The following ZNF385D variants were observed in gnomAD, a reference collection of about 807,000 sequenced individuals.
ZNF385D encodes the protein zinc finger protein 385D.
In ZNF385D, 15 loss-of-function variants were observed where a neutral mutation model predicts 35.8. The observed-to-expected ratio is 0.42, with a 90% CI of 0.28 to 0.64. The LOEUF is 0.64. Among genes scored for constraint, ZNF385D ranks in the 30% least tolerant of loss-of-function variants. ZNF385D has a pLI of 0.23. For missense variants in ZNF385D, 474 were observed against 494.6 expected (o/e 0.96, Z 0.39); for synonymous variants, 212 against 186.8 (o/e 1.13, Z -1.10).
At chr3:21,858,024 T>C (rs1696828771) in intron 3 of ZNF385D, among the ~76,000 whole-genome samples, 1 of 151,860 alleles carries the variant, frequency 6.6e-6, no homozygotes, top group Non-Finnish European at 1.5e-5. Flanking sequence ...TAGTTGGTCA[T>C]GGTGGCACAA....
chr3:21,806,509 G>C (rs2072656202), intron 3 of ZNF385D, among the ~76,000 whole-genome samples: 2 of 151,986 alleles, frequency 1.3e-5, no homozygotes, highest in Admixed American at 6.5e-5. Flanking sequence ...CTGGCCAATA[G>C]AGCTCGTTTT....
intron 2 of ZNF385D, among the ~76,000 whole-genome samples, chr3:21,612,899 C>T (rs73819324): frequency 0.027 from 4,103 of 151,992 alleles, 190 homozygotes; most frequent in African/African-American, 0.094. Context: ...GAAATTTTCA[C>T]AGTCCTAGGT....
intron 3 of ZNF385D, among the ~76,000 whole-genome samples, chr3:21,768,592 C>T (rs761582899): frequency 6.6e-6 from 1 of 151,984 alleles, no homozygotes; most frequent in Non-Finnish European, 1.5e-5. Flanking sequence ...GGCAGCTGTG[C>T]ACCTGCTCCT....
At chr3:21,812,099 A>G (rs2072946241) in intron 3 of ZNF385D, among the ~76,000 whole-genome samples, 1 of 152,230 alleles carries the variant, frequency 6.6e-6, no homozygotes, top group Non-Finnish European at 1.5e-5. Context: ...TGCCACCAAA[A>G]AGATATAATT....
intron 2 of ZNF385D, among the ~76,000 whole-genome samples, chr3:21,567,674 A>T (rs2125662292): frequency 6.6e-6 from 1 of 152,300 alleles, no homozygotes; most frequent in Middle Eastern, 3.4e-3. Flanking sequence ...TTCTATCGGG[A>T]TAAGGTGAAT....
rs572129401 is a variant in ZNF385D at position 22,192,427 on chromosome 3, C to G, written c.107-23392G>C. Among the ~76,000 whole-genome samples the G allele has an allele frequency of 3.3e-5, 5 of 152,236 alleles. No homozygotes were observed. The South Asian group carries it at 6.2e-4, about 19-fold the overall frequency. Reference sequence around the variant, plus strand: ...TAGTCCCCTTCCATAATAAACAGGGCTAACATATGTAACCAATAGCACACA... The same window carrying G: ...TAGTCCCCTTCCATAATAAACAGGGGTAACATATGTAACCAATAGCACACA... On this transcript the variant is annotated intron_variant, in intron 2 of 5. Transcript: ENST00000494108.
At chr3:21,865,210 G>T (rs1697281492) in intron 3 of ZNF385D, among the ~76,000 whole-genome samples, 1 of 151,492 alleles carries the variant, frequency 6.6e-6, no homozygotes, top group African/African-American at 2.4e-5. Flanking sequence ...TGCATTATGG[G>T]CTTCCGGATC....
intron 5 of ZNF385D, among the ~76,000 whole-genome samples, chr3:21,434,115 C>G (rs1275476080): frequency 6.6e-6 from 1 of 152,048 alleles, no homozygotes; most frequent in Non-Finnish European, 1.5e-5. Flanking sequence ...TTTTTCATGA[C>G]CAATAGAAGT....
intron 3 of ZNF385D, among the ~76,000 whole-genome samples, chr3:22,025,657 C>T (rs1438283984): frequency 1.3e-5 from 2 of 152,008 alleles, no homozygotes; most frequent in Non-Finnish European, 2.9e-5. Context: ...AAAAGATGGC[C>T]CACTGTGAGC....
At chr3:21,738,374 C>G (rs1027300207) in intron 1 of ZNF385D, among the ~76,000 whole-genome samples, 42 of 152,110 alleles carry the variant, frequency 2.8e-4, no homozygotes. Context: ...CTTGGTCTTC[C>G]CATTTAAAAA....
intron 2 of ZNF385D, among the ~76,000 whole-genome samples, chr3:22,349,580 A>G (rs1695822825): frequency 6.6e-6 from 1 of 152,216 alleles, no homozygotes; most frequent in Non-Finnish European, 1.5e-5. Context: ...AACATCTTTT[A>G]TAAGATTTGA....
intron 2 of ZNF385D, among the ~76,000 whole-genome samples, chr3:22,314,137 A>G (rs996780359): frequency 2.6e-5 from 4 of 151,850 alleles, no homozygotes; most frequent in African/African-American, 4.8e-5. Context: ...TTTTATTTCC[A>G]TAGGTTTTTG....
At chr3:21,511,129 A>C in intron 3 of ZNF385D, 106 bp from the exon 4 acceptor site, 8 of 1,416,482 alleles carry the variant, frequency 5.6e-6, no homozygotes. Context: ...GTACCATTCG[A>C]GCTAATTCTG....
intron 4 of ZNF385D, among the ~76,000 whole-genome samples, chr3:21,445,849 G>A (rs999195359): frequency 6.6e-6 from 1 of 152,128 alleles, no homozygotes; most frequent in Non-Finnish European, 1.5e-5. Flanking sequence ...GACCTCCTAA[G>A]TGAAATTTTC....
chr3:21,704,771 C>T (rs2067836064), intron 1 of ZNF385D, among the ~76,000 whole-genome samples: 1 of 152,182 alleles, frequency 6.6e-6, no homozygotes, highest in African/African-American at 2.4e-5. Context: ...GTACCTAGAA[C>T]AGTACCTGAC....
chr3:21,905,202 A>G (rs140530315), intron 3 of ZNF385D, among the ~76,000 whole-genome samples: 4 of 138,020 alleles, frequency 2.9e-5, no homozygotes, highest in Admixed American at 2.3e-4. Context: ...GTAACAAAAA[A>G]TCCAAAAAAA....
chr3:22,273,113 T>A (rs1201762947), intron 2 of ZNF385D, among the ~76,000 whole-genome samples: 2 of 151,896 alleles, frequency 1.3e-5, no homozygotes, highest in African/African-American at 2.4e-5. Context: ...AGGAAAAGAA[T>A]CATTTTACAG....
chr3:21,749,783 C>T (rs11715647), intron 1 of ZNF385D, among the ~76,000 whole-genome samples: 29,461 of 152,148 alleles, frequency 0.19, 3,303 homozygotes, highest in Non-Finnish European at 0.25. Context: ...CACACACTCT[C>T]AAGTGTCTCA....
chr3:21,970,307 A>G (rs1441197007), intron 3 of ZNF385D, among the ~76,000 whole-genome samples: 2 of 152,178 alleles, frequency 1.3e-5, no homozygotes, highest in African/African-American at 4.8e-5. Flanking sequence ...ACTCAAAGAA[A>G]TTTAAGATAA....
Sources: gnomAD v4.1 joint callset for allele counts (sites outside exome capture counted in the v4.1 genomes callset) on GRCh38, gnomAD v4.1.1 for gene constraint, MANE v1.5 for transcripts, NCBI Gene and HGNC (gene_info 2026-07-23, HGNC 2026-07-21) for gene names.